Variants in WIZ observed in about 807,000 individuals in gnomAD.
The protein encoded by WIZ is WIZ zinc finger, also known as protein Wiz.
A neutral mutation model predicts 140.2 loss-of-function variants in WIZ; 25 were observed. The ratio of observed to expected loss-of-function variants is 0.18; its 90% CI spans 0.13 to 0.25. The LOEUF (loss-of-function observed/expected upper bound fraction) is 0.25. Ranked by LOEUF, WIZ falls within the 10% of genes least tolerant of loss-of-function variation. The pLI, the probability that WIZ is intolerant of heterozygous loss-of-function variation, is 1.00. For missense variants in WIZ, 2,231 were observed against 2,632.6 expected, an observed-to-expected ratio of 0.85 and a Z score of 3.34; for synonymous variants, 1,125 against 1,154.3, an observed-to-expected ratio of 0.97 and a Z score of 0.51.
In WIZ at chr19:15,432,528, C is replaced by T. The variant is rs1969325881; in HGVS notation, c.2741-1346G>A. 35 of 214,426 alleles carry T rather than the reference C, an allele frequency of 1.6e-4. No homozygotes were observed. The South Asian group carries it at 1.7e-3, about 10-fold the overall frequency. 13.3% of individuals were successfully genotyped at this position (214,426 alleles called of 1,614,324 possible). ...GTGGCGGTGGCGGTGGTGGTGGCGG[C>T]GGCGGCGGGGGTGGGGGCGGCGGCG... On this transcript the variant is annotated intron_variant, in intron 5 of 12. Transcript: ENST00000673675.
In WIZ at chr19:15,424,807, G is replaced by T; in HGVS notation, c.5120C>A (p.Ala1707Asp). Residue 1707 changes from alanine (A) to aspartate (D), a missense_variant, in exon 11 of 13, where the codon GCC becomes GAC. This residue lies in a region of WIZ where 299 missense variants were observed against 309.6 expected (regional missense o/e 0.97). Transcript: ENST00000673675. This position sits in a 1 kb window ranked among gnomAD's most constrained non-coding sequence, Gnocchi z 9.7. ...CTTGTCACTGTCACGGCCATGGCCG[G>T]CACTGCGGAACTTCTTGGTGAAGGG... ...GRPFTKKFRS[A>D]GHGRDSDKRP... is the part of the protein sequence containing the mutation. 6.2e-7 allele frequency: 1 copy of T among 1,605,854 alleles called. No individual in the cohort carries two copies.
Position 15,439,192 on chromosome 19 carries a change from A to G in WIZ, c.1802T>C (p.Val601Ala). ...CCGTTCCCCCAGCCCTTGTGGGTGG[A>G]CGGTGCTTTTGTTTCTCCCGAGCTG... ...SLQLGRNKST[V>A]HPQGLGERRR... The change falls in exon 4 of 13, where the codon GTC (valine) becomes GCC (alanine). Residue 601 changes from valine (V) to alanine (A), a missense_variant. This residue lies in a region of WIZ where 475 missense variants were observed against 520.2 expected (regional missense o/e 0.91). Transcript: ENST00000673675. The surrounding 1 kb of genome is among the most constrained non-coding windows in gnomAD (Gnocchi z 7.0). The G allele has an allele frequency of 6.5e-7, 1 of 1,535,214 alleles. No homozygotes were observed. The highest frequency in any genetic ancestry group is 1.2e-5 in the South Asian group (1 of 83,892).
Position 15,439,129 on chromosome 19 carries a change from TCCTCCTCC to T in WIZ, c.1857_1864del (p.Glu620GlyfsTer15). 1 of 1,468,560 alleles carries T rather than the reference TCCTCCTCC, an allele frequency of 6.8e-7. No individual in the cohort carries two copies. Among genetic ancestry groups the T allele is most frequent in the South Asian group, 1.3e-5 (1 of 77,038 alleles). 91.0% of individuals were successfully genotyped at this position (1,468,560 alleles called of 1,614,324 possible). A position where few individuals can be genotyped will look rare whatever the true frequency, so the allele number is the denominator to read the frequency against. ...GGAGGTCAGCACTACATCCTCCTCC[TCCTCCTCC>T]TCCTCCTCCTCTTCGCTCCAAGGGC... is the stretch of plus-strand genomic sequence containing the variant. On this transcript the variant is annotated frameshift_variant, in exon 4 of 13. Transcript: ENST00000673675. LOFTEE classifies it high-confidence loss of function. The surrounding 1 kb of genome is among the most constrained non-coding windows in gnomAD (Gnocchi z 7.0).
At chr19:15,430,187 A>C in intron 6 of WIZ, 98 bp from the exon 7 acceptor site, 1 of 1,424,362 alleles carries the variant, frequency 7.0e-7, no homozygotes, top group Non-Finnish European at 9.2e-7. Context: ...CCCAGGCTCC[A>C]TGGAAGTGTT....
chr19:15,427,469 G>T lies in WIZ; in HGVS notation c.3879C>A (p.Arg1293=). The T allele has an allele frequency of 6.2e-7, 1 of 1,613,388 alleles. No homozygotes were observed. The highest frequency in any genetic ancestry group is 8.5e-7 in the Non-Finnish European group (1 of 1,179,952). Residue 1293 remains arginine, a synonymous_variant, in exon 9 of 13, where the codon CGC becomes CGA. Coordinates refer to ENST00000673675, the MANE Select transcript of WIZ (RefSeq NM_001371589.1). The surrounding 1 kb of genome is among the most constrained non-coding windows in gnomAD (Gnocchi z 6.4). ...CEFCGEFFEN[R]KGLSSHARSH... ...AGCGCGCGTGGCTCGAGAGGCCCTT[G>T]CGGTTCTCGAAGAACTCACCACAGA... is the stretch of plus-strand genomic sequence containing the variant.
At position 15,427,335 on chromosome 19, in the gene WIZ, G is replaced by A. The variant is rs771127213; in HGVS notation, c.4013C>T (p.Pro1338Leu). The A allele has an allele frequency of 2.4e-5, 39 of 1,613,702 alleles. No homozygotes were observed. Among genetic ancestry groups the A allele is most frequent in the Non-Finnish European group, 3.1e-5 (37 of 1,179,940 alleles). Residue 1338 changes from proline to leucine, a missense_variant, in exon 9 of 13, where the codon CCC (proline) becomes CTC (leucine). Around this residue, in one of 15 missense-constraint regions of WIZ, gnomAD observed 393 missense variants for 451.7 expected, o/e 0.87. Transcript: ENST00000673675. This position sits in a 1 kb window ranked among gnomAD's most constrained non-coding sequence, Gnocchi z 6.4. ...TTTTGGGCTTGGCCCTGGTGGGTTG[G>A]GAGGTCCACCAGGCCGAGACTGGGT... ...RRTQSRPGGP[P>L]NPPGPSPKAL...
In WIZ at chr19:15,428,247, G is replaced by A. The variant is rs1268872780; in HGVS notation, c.3677C>T (p.Pro1226Leu). Residue 1226 changes from proline (P) to leucine (L), a missense_variant, in exon 8 of 13, where the codon CCC becomes CTC. Physicochemically the swap from Pro to Leu is moderately conservative, Grantham distance 98. This residue lies in a region of WIZ where 141 missense variants were observed against 161.2 expected (regional missense o/e 0.87). Transcript: ENST00000673675. The surrounding 1 kb of genome is among the most constrained non-coding windows in gnomAD (Gnocchi z 6.4). The stretch of plus-strand genomic sequence containing the variant: ...GGCCTTCTTGGCCGGCGGTGGGGGG[G>A]GAAGCAAGGAGAGGGCCGCGGAGGT... ...PPTSAALSLL[P>L]PPPPAKKAKL... 2.0e-6 allele frequency: 3 copies of A among 1,530,524 alleles called. No individual in the cohort carries two copies. The highest frequency in any genetic ancestry group is 2.6e-6 in the Non-Finnish European group (3 of 1,144,970). The allele number at this position is 1,530,524 out of a possible 1,614,324, so 94.8% of individuals were successfully genotyped here.
rs532349846 is a variant in WIZ at position 15,427,231 on chromosome 19, G to A, written c.4117C>T (p.Pro1373Ser). The change falls in exon 9 of 13, where the codon CCC (proline) becomes TCC (serine). Residue 1373 changes from proline (P) to serine (S), a missense_variant. Physicochemically the swap from Pro to Ser is moderately conservative, Grantham distance 74 (BLOSUM62 -1). Around this residue, in one of 15 missense-constraint regions of WIZ, gnomAD observed 393 missense variants for 451.7 expected, o/e 0.87. Transcript: ENST00000673675. This position sits in a 1 kb window ranked among gnomAD's most constrained non-coding sequence, Gnocchi z 6.4. ...GGTGGTGGCAACTTCTTGGCCAAGG[G>A]TGAGATGTGAAGGTCCGAGGGGCTG... ...ARSPSDLHIS[P>S]LAKKLPPPPG... The A allele has an allele frequency of 6.4e-5, 104 of 1,614,110 alleles. No individual in the cohort carries two copies. The South Asian group carries it at 1.0e-3, about 16-fold the overall frequency.
Position 15,425,498 on chromosome 19 carries a change from T to C in WIZ, c.4637A>G (p.Gln1546Arg), listed in dbSNP as rs761882325. The C allele has an allele frequency of 2.1e-5, 33 of 1,609,686 alleles. No individual in the cohort carries two copies. Among genetic ancestry groups the C allele is most frequent in the Non-Finnish European group, 2.8e-5 (33 of 1,178,396 alleles). Residue 1546 changes from glutamine to arginine, a missense_variant, in exon 10 of 13, where the codon CAG becomes CGG. Physicochemically the swap from Gln to Arg is conservative, Grantham distance 43. Coordinates refer to ENST00000673675, the MANE Select transcript of WIZ (RefSeq NM_001371589.1). ...CAGGGGCGACAGCGGCAGTGGGGACTGCACGGGCCCAGGGGCCACGGTGGG... is the reference window on the plus strand; with the variant it reads ...CAGGGGCGACAGCGGCAGTGGGGACCGCACGGGCCCAGGGGCCACGGTGGG... The part of the protein sequence containing the change: ...GPPTVAPGPV[Q>R]SPLPLSPLAG...
At position 15,440,590 on chromosome 19, in the gene WIZ, T is replaced by A. The variant is rs1161241316; in HGVS notation, c.404A>T (p.Glu135Val). ...GAATCTCCGCTCAGATAGGATGCCC[T>A]CCCCAGCCTCCTGGACAAGGGGGTG... ...WEHPLVQEAG[E>V]GILSERRFED... Residue 135 changes from glutamate to valine, a missense_variant, in exon 4 of 13, where the codon GAG becomes GTG. Coordinates refer to ENST00000673675, the MANE Select transcript of WIZ (RefSeq NM_001371589.1). The surrounding 1 kb of genome is among the most constrained non-coding windows in gnomAD (Gnocchi z 6.2). 6.5e-7 allele frequency: 1 copy of A among 1,535,988 alleles called. No homozygotes were observed. Among genetic ancestry groups the A allele is most frequent in the East Asian group, 2.4e-5 (1 of 40,904 alleles).
At chr19:15,444,362 G>A (rs1419693647) in intron 2 of WIZ, among the ~76,000 whole-genome samples, 2 of 152,130 alleles carry the variant, frequency 1.3e-5, no homozygotes, top group Non-Finnish European at 2.9e-5. Context: ...AAGGGGTGGT[G>A]GGGGTATGGA....
Position 15,428,244 on chromosome 19 carries a change from G to A in WIZ, c.3680C>T (p.Pro1227Leu), listed in dbSNP as rs903382924. Residue 1227 changes from proline (P) to leucine (L), a missense_variant, in exon 8 of 13, where the codon CCC becomes CTC. Pro to Leu is a moderately conservative substitution (Grantham distance 98). Transcript: ENST00000673675. This position sits in a 1 kb window ranked among gnomAD's most constrained non-coding sequence, Gnocchi z 6.4. ...CTTGGCCTTCTTGGCCGGCGGTGGGGGGGGAAGCAAGGAGAGGGCCGCGGA... is the reference window on the plus strand; with the variant it reads ...CTTGGCCTTCTTGGCCGGCGGTGGGAGGGGAAGCAAGGAGAGGGCCGCGGA... ...PTSAALSLLP[P>L]PPPAKKAKLK... 6.5e-6 allele frequency: 10 copies of A among 1,531,086 alleles called. No homozygotes were observed. Among genetic ancestry groups the A allele is most frequent in the Non-Finnish European group, 7.9e-6 (9 of 1,145,216 alleles). 94.8% of individuals were successfully genotyped at this position (1,531,086 alleles called of 1,614,324 possible).
In WIZ at chr19:15,424,896, G is replaced by A. The variant is rs1462080327; in HGVS notation, c.5031C>T (p.Ser1677=). 40 of 1,610,388 alleles carry A rather than the reference G, an allele frequency of 2.5e-5. No individual in the cohort carries two copies. Among genetic ancestry groups the A allele is most frequent in the South Asian group, 4.4e-5 (4 of 90,580 alleles). ...CVNGSPIETL[S]EWIKHRPQKV... ...TCTGGGGCCGGTGTTTGATCCACTCGCTCAGTGTCTCGATGGGCGAGCCAT... is the reference window on the plus strand; with the variant it reads ...TCTGGGGCCGGTGTTTGATCCACTCACTCAGTGTCTCGATGGGCGAGCCAT... The change falls in exon 11 of 13, where the codon AGC becomes AGT. Residue 1677 remains serine (S), a synonymous_variant. Transcript: ENST00000673675. This position sits in a 1 kb window ranked among gnomAD's most constrained non-coding sequence, Gnocchi z 9.7.
intron 5 of WIZ, chr19:15,433,221 G>A: frequency 1.0e-6 from 1 of 982,756 alleles, no homozygotes; most frequent in South Asian, 4.7e-5. Flanking sequence ...ACCGTCCCCC[G>A]ACGGTGCCGT....
At position 15,438,816 on chromosome 19, in the gene WIZ, C is replaced by G; in HGVS notation, c.2178G>C (p.Leu726=). The G allele has an allele frequency of 6.6e-7, 1 of 1,509,330 alleles. No homozygotes were observed. The highest frequency in any genetic ancestry group is 8.9e-7 in the Non-Finnish European group (1 of 1,127,506). 93.5% of individuals were successfully genotyped at this position (1,509,330 alleles called of 1,614,324 possible). ...GTGTGTCCAGCCCCAGCGGGCCGCCCAGCGGCGCGTCCAGGAGCAGGAAGT... is the reference window on the plus strand; with the variant it reads ...GTGTGTCCAGCCCCAGCGGGCCGCCGAGCGGCGCGTCCAGGAGCAGGAAGT... ...PLDFLLLDAP[L]GGPLGLDTLL... is the part of the protein sequence containing the mutation. Residue 726 remains leucine, a synonymous_variant, in exon 4 of 13, where the codon CTG becomes CTC. Coordinates refer to ENST00000673675, the MANE Select transcript of WIZ (RefSeq NM_001371589.1).
chr19:15,434,661 G>C (rs1345896279), intron 5 of WIZ, among the ~76,000 whole-genome samples: 1 of 151,388 alleles, frequency 6.6e-6, no homozygotes, highest in Admixed American at 6.6e-5. Context: ...GATACCCCCT[G>C]TTCAGACACT....
In WIZ at chr19:15,439,359, G is replaced by A. The variant is rs1969642119; in HGVS notation, c.1635C>T (p.Pro545=). ...GGCATCCTGGGCCAAAGGCCAGGCT[G>A]GGGTCGTATCCAGCAGGGTTCTCCC... ...MWRENPAGYD[P]SLAFGPGCQQ... The change falls in exon 4 of 13, where the codon CCC becomes CCT. Residue 545 remains proline (P), a synonymous_variant. Coordinates refer to ENST00000673675, the MANE Select transcript of WIZ (RefSeq NM_001371589.1). This position sits in a 1 kb window ranked among gnomAD's most constrained non-coding sequence, Gnocchi z 7.0. The A allele has an allele frequency of 1.3e-5, 20 of 1,535,012 alleles. No homozygotes were observed. The highest frequency in any genetic ancestry group is 1.7e-5 in the Non-Finnish European group (19 of 1,146,280).
In WIZ at chr19:15,439,944, G is replaced by C; in HGVS notation, c.1050C>G (p.Ala350=). ...APGQEPPADL[A]PLACGECGWA... ...AGCCACACTCCCCGCAGGCCAGCGGGGCCAGGTCCGCAGGGGGCTCCTGGC... is the reference window on the plus strand; with the variant it reads ...AGCCACACTCCCCGCAGGCCAGCGGCGCCAGGTCCGCAGGGGGCTCCTGGC... The change falls in exon 4 of 13, where the codon GCC becomes GCG. Residue 350 remains alanine (A), a synonymous_variant. Coordinates refer to ENST00000673675, the MANE Select transcript of WIZ (RefSeq NM_001371589.1). This position sits in a 1 kb window ranked among gnomAD's most constrained non-coding sequence, Gnocchi z 7.0. 2 of 1,534,760 alleles carry C rather than the reference G, an allele frequency of 1.3e-6. No homozygotes were observed. The highest frequency in any genetic ancestry group is 1.7e-6 in the Non-Finnish European group (2 of 1,146,198).
chr19:15,429,685 T>C lies in WIZ; in HGVS notation c.3316A>G (p.Asn1106Asp). Residue 1106 changes from asparagine to aspartate, a missense_variant, in exon 7 of 13, where the codon AAT becomes GAT. Around this residue, in one of 15 missense-constraint regions of WIZ, gnomAD observed 163 missense variants for 166.8 expected, o/e 0.98. Transcript: ENST00000673675. ...AGCTGGGGGCTCTTGTCCTCAGGAT[T>C]CTTAGGGGTAGGGGAGCCCGCCAGG... is the stretch of plus-strand genomic sequence containing the variant. ...LALAGSPTPK[N>D]PEDKSPQLSL... The C allele has an allele frequency of 7.0e-7, 1 of 1,434,672 alleles. No individual in the cohort carries two copies. Among genetic ancestry groups the C allele is most frequent in the East Asian group, 2.5e-5 (1 of 39,424 alleles). The allele number at this position is 1,434,672 out of a possible 1,614,324, so 88.9% of individuals were successfully genotyped here.
Sources: gnomAD v4.1 joint callset for allele counts (sites outside exome capture counted in the v4.1 genomes callset) on GRCh38, gnomAD v4.1.1 for gene constraint, gnomAD v4.1.1 regional missense constraint, Gnocchi (gnomAD v3.1) non-coding constraint, MANE v1.5 for transcripts, NCBI Gene and HGNC (gene_info 2026-07-23, HGNC 2026-07-21) for gene names.